ANO4: variants seen among roughly 807,000 people sequenced by gnomAD.
The protein encoded by ANO4 is anoctamin 4, also known as anoctamin-4.
ANO4 carries 69 observed loss-of-function variants against 141.9 expected under a neutral mutation model. The observed-to-expected ratio is 0.49, with a 90% confidence interval of 0.40 to 0.59. The LOEUF (loss-of-function observed/expected upper bound fraction) is 0.59. ANO4 is among the 20% of genes least tolerant of loss of function. The pLI is 0.00. For missense variants in ANO4, 894 were observed against 1,162.2 expected (o/e 0.77, Z 3.36); for synonymous variants, 350 against 394.3 (o/e 0.89, Z 1.33).
At chr12:100,803,199 T>C (rs998291197) in intron 1 of ANO4, among the ~76,000 whole-genome samples, 11 of 152,024 alleles carry the variant, frequency 7.2e-5, no homozygotes, top group African/African-American at 2.4e-4. Context: ...GGATGGGAGC[T>C]TGGAGTATAG....
rs182705257 is a variant in ANO4 at position 101,115,457 on chromosome 12, A to C, written c.2451-1222A>C. On this transcript the variant is annotated intron_variant, in intron 24 of 27. Coordinates refer to ENST00000392977, the MANE Select transcript of ANO4 (RefSeq NM_001286615.2). ...CAACAGAGCAAGGCCCTGTCTCAGA[A>C]AAAAAAAGAAGAAGTAAGAAGTTAT... is the stretch of plus-strand genomic sequence containing the variant. 1.2e-3 allele frequency among the ~76,000 whole-genome samples: 175 copies of C among 151,284 alleles called. 2 individuals are homozygous for C. The highest frequency in any genetic ancestry group is 4.1e-3 in the African/African-American group (171 of 41,410).
Position 100,883,982 on chromosome 12 carries a change from T to C in ANO4, c.-140-17664T>C, listed in dbSNP as rs770612869. Among the ~76,000 whole-genome samples the C allele has an allele frequency of 2.0e-5, 3 of 152,202 alleles. No homozygotes were observed. The East Asian group carries it at 5.8e-4, about 29-fold the overall frequency. The stretch of plus-strand genomic sequence containing the variant: ...AGGGATTTTCATTAATTATTAACCA[T>C]ATCAGAAATGTAATTAAGTCAGTGC... On this transcript the variant is annotated intron_variant, in intron 1 of 27. Coordinates refer to ENST00000392977, the MANE Select transcript of ANO4 (RefSeq NM_001286615.2).
intron 5 of ANO4, among the ~76,000 whole-genome samples, chr12:100,950,887 G>T (rs568479674): frequency 5.3e-5 from 8 of 152,188 alleles, no homozygotes; most frequent in Non-Finnish European, 7.3e-5. Flanking sequence ...TTTTTGAGAT[G>T]CCAGCAAACA....
chr12:100,768,457 T>TG (rs1203052530), intron 3 of ANO4, among the ~76,000 whole-genome samples: 1 of 152,336 alleles, frequency 6.6e-6, no homozygotes, highest in East Asian at 1.9e-4. Flanking sequence ...GATGTTTCTT[T>TG]GGGGGGACCA....
chr12:100,930,864 A>G (rs1467562371), intron 3 of ANO4, among the ~76,000 whole-genome samples: 1 of 152,116 alleles, frequency 6.6e-6, no homozygotes, highest in African/African-American at 2.4e-5. Context: ...TGTTTGGTAT[A>G]GGTAGGGGTA....
At chr12:100,936,548 C>T (rs976959691) in intron 3 of ANO4, among the ~76,000 whole-genome samples, 1 of 152,126 alleles carries the variant, frequency 6.6e-6, no homozygotes, top group Non-Finnish European at 1.5e-5. Context: ...ATTTTCTATC[C>T]TTGGGAAAAG....
chr12:101,016,266 A>G (rs1047050629), intron 8 of ANO4, among the ~76,000 whole-genome samples: 1 of 152,104 alleles, frequency 6.6e-6, no homozygotes, highest in Non-Finnish European at 1.5e-5. Flanking sequence ...AGGACTTAGG[A>G]AGCTTCCAAT....
chr12:100,942,502 C>T lies in ANO4; in HGVS notation c.423C>T (p.Asn141=), dbSNP rs771807533. Residue 141 remains asparagine (N), a synonymous_variant, in exon 5 of 28, where the codon AAC becomes AAT. Coordinates refer to ENST00000392977, the MANE Select transcript of ANO4 (RefSeq NM_001286615.2). ...QTEKREVFER[N]IRAEGLQMEK... is the part of the protein sequence containing the mutation. The stretch of plus-strand genomic sequence containing the variant: ...AAAAGAGAGAAGTATTTGAAAGAAA[C>T]ATTAGAGCAGAAGGATTGCAAATGG... 1.2e-6 allele frequency: 2 copies of T among 1,613,904 alleles called. No individual in the cohort carries two copies. Among genetic ancestry groups the T allele is most frequent in the Admixed American group, 1.7e-5 (1 of 60,002 alleles).
chr12:100,742,635 A>C (rs1286214826), intron 3 of ANO4, among the ~76,000 whole-genome samples: 1 of 152,170 alleles, frequency 6.6e-6, no homozygotes. Flanking sequence ...GATTGTGAGA[A>C]TTTTCTTATG....
intron 1 of ANO4, among the ~76,000 whole-genome samples, chr12:100,809,635 T>G (rs1445468886): frequency 6.6e-6 from 1 of 152,164 alleles, no homozygotes; most frequent in Non-Finnish European, 1.5e-5. Flanking sequence ...ATTCAGTCTA[T>G]GGGGCTTAGG....
intron 1 of ANO4, among the ~76,000 whole-genome samples, chr12:100,821,183 T>TG (rs2036031529): frequency 6.6e-6 from 1 of 152,040 alleles, no homozygotes; most frequent in Non-Finnish European, 1.5e-5. Flanking sequence ...GTCTAGTCAG[T>TG]TGCCATATGG....
At chr12:100,762,412 G>A (rs17030556) in intron 3 of ANO4, among the ~76,000 whole-genome samples, 15,782 of 152,172 alleles carry the variant, frequency 0.1, 1,001 homozygotes, top group South Asian at 0.21. Flanking sequence ...GATATGTGCT[G>A]GTCCCAGTGG....
At chr12:100,806,769 T>A (rs1340801775) in intron 1 of ANO4, among the ~76,000 whole-genome samples, 1 of 151,880 alleles carries the variant, frequency 6.6e-6, no homozygotes, top group Non-Finnish European at 1.5e-5. Context: ...GGTCTCGAAC[T>A]GCTGACCTCT....
rs747649232 is a variant in ANO4, at chr12:101,020,143, AAGT to A, written c.841+8_841+10del. 2 of 1,580,998 alleles carry A rather than the reference AAGT, an allele frequency of 1.3e-6. No individual in the cohort carries two copies. The highest frequency in any genetic ancestry group is 2.2e-5 in the South Asian group (2 of 90,250). ...TGAAGAAGGAAAAAACAAGATTGGT[AAGT>A]AGTATGTTAGTATAACAAACTACAT... On this transcript the variant is annotated splice_donor_5th_base_variant and intron_variant, in intron 9 of 27. Coordinates refer to ENST00000392977, the MANE Select transcript of ANO4 (RefSeq NM_001286615.2).
chr12:100,913,671 G>A (rs563902545), intron 2 of ANO4, among the ~76,000 whole-genome samples: 49 of 152,262 alleles, frequency 3.2e-4, no homozygotes, highest in African/African-American at 9.9e-4. Flanking sequence ...AAGATAGGGC[G>A]GGATGCTTTA....
At chr12:100,945,056 C>T (rs549238437) in intron 5 of ANO4, among the ~76,000 whole-genome samples, 4 of 152,214 alleles carry the variant, frequency 2.6e-5, no homozygotes, top group Admixed American at 6.5e-5. Flanking sequence ...AGAAGAAACA[C>T]CCTAGGGACC....
intron 26 of ANO4, among the ~76,000 whole-genome samples, chr12:101,125,940 T>A (rs955374581): frequency 6.6e-6 from 1 of 152,246 alleles, no homozygotes; most frequent in South Asian, 2.1e-4. Flanking sequence ...TTTAATTTTT[T>A]GGAATAGTTT....
At chr12:101,066,372 T>G (rs2136767337) in intron 14 of ANO4, among the ~76,000 whole-genome samples, 1 of 152,198 alleles carries the variant, frequency 6.6e-6, no homozygotes, top group Non-Finnish European at 1.5e-5. Context: ...ACCTAAAGAC[T>G]CCACCAAAAA....
At chr12:101,058,563 G>T (rs1378983834) in intron 14 of ANO4, among the ~76,000 whole-genome samples, 1 of 152,100 alleles carries the variant, frequency 6.6e-6, no homozygotes, top group Non-Finnish European at 1.5e-5. Context: ...AATTCTCCTT[G>T]AAGAGGCCCT....
Sources: gnomAD v4.1 joint callset for allele counts (sites outside exome capture counted in the v4.1 genomes callset) on GRCh38, gnomAD v4.1.1 for gene constraint, MANE v1.5 for transcripts, NCBI Gene and HGNC (gene_info 2026-07-23, HGNC 2026-07-21) for gene names.